SAMSN1: variants seen among roughly 807,000 people sequenced by gnomAD.
SAMSN1 encodes SAM domain-containing protein SAMSN-1.
A neutral mutation model predicts 42.0 loss-of-function variants in SAMSN1; 31 were observed. The observed-to-expected ratio is 0.74, with a 90% CI of 0.55 to 1.00. SAMSN1 has a LOEUF of 1.00. SAMSN1 is among the 50% of genes least tolerant of loss of function. The pLI is 0.00. For synonymous variants in SAMSN1, 178 were observed against 151.9 expected (o/e 1.17, Z -1.26); for missense variants, 464 against 439.4 (o/e 1.06, Z -0.50).
intron 2 of SAMSN1, among the ~76,000 whole-genome samples, chr21:14,567,179 G>A (rs1388808286): frequency 6.6e-6 from 1 of 151,772 alleles, no homozygotes; most frequent in East Asian, 1.9e-4. Context: ...CCAGGGCGGT[G>A]TTGTCAGAAG....
chr21:14,619,649 T>C, intron 2 of SAMSN1: 1 of 320,570 alleles, frequency 3.1e-6, no homozygotes, highest in Admixed American at 4.0e-5. Flanking sequence ...TTTCCTCACC[T>C]ATCACAAAGT....
At chr21:14,547,121 G>T (rs574735821), upstream of SAMSN1, among the ~76,000 whole-genome samples, 9 of 152,284 alleles carry the variant, frequency 5.9e-5, no homozygotes, top group South Asian at 1.9e-3. Flanking sequence ...ATATGGATTA[G>T]ACCCATTCTA....
chr21:14,637,299 A>G (rs1250161257), intron 2 of SAMSN1, among the ~76,000 whole-genome samples: 1 of 152,238 alleles, frequency 6.6e-6, no homozygotes, highest in Non-Finnish European at 1.5e-5. Context: ...ATCAGATTTC[A>G]AAGTGTTAGT....
chr21:14,653,362 G>A (rs1398155196), intron 1 of SAMSN1, among the ~76,000 whole-genome samples: 1 of 152,010 alleles, frequency 6.6e-6, no homozygotes, highest in East Asian at 1.9e-4. Flanking sequence ...ATTAGAACTG[G>A]AGATGATTAT....
rs189664016 is a variant in SAMSN1 at position 14,502,104 on chromosome 21, C to G, written c.562-1369G>C. ...ATCCTCAAACAAACTAAGCATCAAG[C>G]CTGCTACTAAAAATATTTTTTCCTG... On this transcript the variant is annotated intron_variant, in intron 5 of 7. Transcript: ENST00000400566. 7.2e-5 allele frequency among the ~76,000 whole-genome samples: 11 copies of G among 152,246 alleles called. 1 individual carries two copies. The South Asian group carries it at 8.3e-4, about 11-fold the overall frequency.
At chr21:14,570,764 G>C (rs1568813336) in intron 2 of SAMSN1, among the ~76,000 whole-genome samples, 1 of 152,074 alleles carries the variant, frequency 6.6e-6, no homozygotes, top group Non-Finnish European at 1.5e-5. Context: ...TTTCTTCACT[G>C]TATGTAGAGT....
chr21:14,587,811 A>C (rs1981966829), upstream of SAMSN1, among the ~76,000 whole-genome samples: 1 of 151,116 alleles, frequency 6.6e-6, no homozygotes, highest in Non-Finnish European at 1.5e-5. Context: ...GTACATGTGC[A>C]CATTGTGCAG....
At chr21:14,570,645 G>T (rs1266794937) in intron 2 of SAMSN1, among the ~76,000 whole-genome samples, 1 of 152,172 alleles carries the variant, frequency 6.6e-6, no homozygotes, top group Non-Finnish European at 1.5e-5. Flanking sequence ...AAATGTATAT[G>T]TTGGAGACAT....
intron 2 of SAMSN1, among the ~76,000 whole-genome samples, chr21:14,517,621 C>A (rs188318408): frequency 6.6e-6 from 1 of 152,106 alleles, no homozygotes; most frequent in African/African-American, 2.4e-5. Context: ...TAAATATGAA[C>A]TAGTTCCAGC....
chr21:14,607,088 A>G (rs1362429151), intron 5 of SAMSN1, among the ~76,000 whole-genome samples: 1 of 152,172 alleles, frequency 6.6e-6, no homozygotes, highest in Non-Finnish European at 1.5e-5. Flanking sequence ...TTATTTCCCT[A>G]TATATTTTCT....
At chr21:14,597,445 C>T (rs542204420) in intron 6 of SAMSN1, among the ~76,000 whole-genome samples, 5 of 152,062 alleles carry the variant, frequency 3.3e-5, no homozygotes, top group Non-Finnish European at 5.9e-5. Flanking sequence ...GACTAAATGA[C>T]TAACTCTAAA....
upstream of SAMSN1, among the ~76,000 whole-genome samples, chr21:14,547,069 C>T (rs1380098753): frequency 6.6e-6 from 1 of 152,058 alleles, no homozygotes; most frequent in Non-Finnish European, 1.5e-5. Context: ...AGAACTTAAA[C>T]AATACTAATC....
At chr21:14,551,906 C>G (rs1009696278) in intron 2 of SAMSN1, among the ~76,000 whole-genome samples, 2 of 152,058 alleles carry the variant, frequency 1.3e-5, no homozygotes, top group African/African-American at 4.8e-5. Context: ...AACCATCACT[C>G]TATGTCATAA....
At chr21:14,605,878 G>GTC (rs1158715745) in intron 5 of SAMSN1, among the ~76,000 whole-genome samples, 2 of 151,074 alleles carry the variant, frequency 1.3e-5, no homozygotes, top group Admixed American at 1.3e-4. Flanking sequence ...GTCTCACTCT[G>GTC]TCGCCCAGGC....
At chr21:14,581,577 T>G (rs1383500320) in intron 2 of SAMSN1, among the ~76,000 whole-genome samples, 7 of 151,474 alleles carry the variant, frequency 4.6e-5, no homozygotes, top group South Asian at 2.1e-4. Context: ...GCCAGGATGG[T>G]CTCGATCTCC....
At chr21:14,555,922 C>A (rs11909750) in intron 2 of SAMSN1, among the ~76,000 whole-genome samples, 44 of 152,212 alleles carry the variant, frequency 2.9e-4, no homozygotes, top group African/African-American at 1.0e-3. Context: ...ACATAGTACA[C>A]CTCGTGTATA....
intron 5 of SAMSN1, among the ~76,000 whole-genome samples, chr21:14,603,913 G>A (rs527962631): frequency 2.9e-4 from 44 of 152,108 alleles, no homozygotes; most frequent in Non-Finnish European, 3.5e-4. Flanking sequence ...TTTCCCTCAT[G>A]TTTTTCAAGG....
chr21:14,528,465 A>T (rs1979021867), intron 1 of SAMSN1, among the ~76,000 whole-genome samples: 1 of 152,142 alleles, frequency 6.6e-6, no homozygotes, highest in African/African-American at 2.4e-5. Flanking sequence ...TGCAAGGCAG[A>T]TGTACTAAAA....
chr21:14,620,446 G>A (rs765020804), intron 2 of SAMSN1, among the ~76,000 whole-genome samples: 2 of 152,112 alleles, frequency 1.3e-5, no homozygotes, highest in Admixed American at 6.5e-5. Context: ...AGTTTCCTGA[G>A]GCCTCCCTCA....
Sources: allele counts gnomAD v4.1 joint callset (sites outside exome capture counted in the v4.1 genomes callset), GRCh38; gene constraint gnomAD v4.1.1; transcripts MANE v1.5; gene names NCBI Gene and HGNC (gene_info 2026-07-23, HGNC 2026-07-21).